CWH43: variants seen among roughly 807,000 people sequenced by gnomAD.
CWH43 encodes PGAP2-interacting protein.
Under a neutral mutation model 85.7 loss-of-function variants are expected in CWH43, and 91 were observed. That is an observed-to-expected ratio of 1.06 (90% confidence interval 0.90 to 1.26). The LOEUF (loss-of-function observed/expected upper bound fraction) is 1.26. CWH43 is among the 50% of genes most tolerant of loss of function. CWH43 has a pLI of 0.00. For missense variants in CWH43, 869 were observed against 839.2 expected (o/e 1.04, Z -0.44); for synonymous variants, 323 against 293.6 (o/e 1.10, Z -1.02).
At chr4:49,037,424 G>A (rs190902505) in intron 12 of CWH43, among the ~76,000 whole-genome samples, 3 of 152,266 alleles carry the variant, frequency 2.0e-5, no homozygotes, top group Admixed American at 2.0e-4. Context: ...CAAAAATTAA[G>A]TTGGGCATGG....
Position 49,034,868 on chromosome 4 carries a change from A to T in CWH43, c.1658+2153A>T, listed in dbSNP as rs79744234. 9.9e-4 allele frequency among the ~76,000 whole-genome samples: 151 copies of T among 152,344 alleles called. 7 individuals are homozygous for T. The East Asian group carries it at 0.022, about 22-fold the overall frequency. ...TCATGCAAAGTACATGAATGTAGTA[A>T]GTGCTCAATTAACACTGGCCATTAC... On this transcript the variant is annotated intron_variant, in intron 12 of 15. Transcript: ENST00000226432.
At chr4:49,028,574 C>A in intron 9 of CWH43, 55 bp from the exon 10 acceptor site, 1 of 1,304,782 alleles carries the variant, frequency 7.7e-7, no homozygotes, top group Non-Finnish European at 1.1e-6. Context: ...AAGTGGGTCA[C>A]TGAAACTGCC....
At chr4:49,029,439 C>A (rs1441275458) in intron 10 of CWH43, among the ~76,000 whole-genome samples, 1 of 152,182 alleles carries the variant, frequency 6.6e-6, no homozygotes, top group South Asian at 2.1e-4. Context: ...GGGTATTGTC[C>A]AAGGTTTCCC....
chr4:49,060,506 A>G (rs1191645307), intron 15 of CWH43, among the ~76,000 whole-genome samples: 1 of 151,960 alleles, frequency 6.6e-6, no homozygotes, highest in Non-Finnish European at 1.5e-5. Context: ...GCCAATGTTC[A>G]TTGGCCTGGA....
chr4:48,988,696 T>A, intron 2 of CWH43, 28 bp downstream of exon 2: 3 of 1,461,230 alleles, frequency 2.1e-6, no homozygotes, highest in Non-Finnish European at 2.8e-6. Context: ...TTCTTTAAGT[T>A]GTTTTTTTTA....
rs1035330736 is a variant in CWH43 at position 49,042,595 on chromosome 4, G to A, written c.1804-2191G>A. 6.6e-5 allele frequency among the ~76,000 whole-genome samples: 10 copies of A among 152,260 alleles called. No homozygotes were observed. In the Middle Eastern group the frequency reaches 0.01, roughly 155 times the overall value. ...AGGAGTGGCCACCATGTAGGGAAGCGTTGAAGCCATGGAAGTGAGTGGTAT... is the reference window on the plus strand; with the variant it reads ...AGGAGTGGCCACCATGTAGGGAAGCATTGAAGCCATGGAAGTGAGTGGTAT... On this transcript the variant is annotated intron_variant, in intron 13 of 15. Transcript: ENST00000226432.
chr4:49,061,848 C>T lies in CWH43; in HGVS notation c.2058C>T (p.Asn686=). 7.2e-7 allele frequency: 1 copy of T among 1,394,848 alleles called. No individual in the cohort carries two copies. The highest frequency in any genetic ancestry group is 1.4e-5 in the South Asian group (1 of 69,538). The allele number at this position is 1,394,848 out of a possible 1,614,324, so 86.4% of individuals were successfully genotyped here. ...GSYKEGHNYE[N]NHHFHMNTPK... is the part of the protein sequence containing the mutation. ...ACAAAGAAGGACACAATTATGAAAA[C>T]AACCATCATTTTCATATGAATACTC... Residue 686 remains asparagine (N), a synonymous_variant, in exon 16 of 16, where the codon AAC becomes AAT. Coordinates refer to ENST00000226432, the MANE Select transcript of CWH43 (RefSeq NM_025087.3).
chr4:49,018,274 A>G (rs1352463878), intron 9 of CWH43, among the ~76,000 whole-genome samples: 1 of 152,112 alleles, frequency 6.6e-6, no homozygotes, highest in African/African-American at 2.4e-5. Context: ...TAAACCATTC[A>G]TGAGAATTCC....
rs1395788586 is a variant in CWH43, at chr4:48,986,384, C to T, written c.-46C>T. The T allele has an allele frequency of 1.9e-6, 3 of 1,540,316 alleles. No individual in the cohort carries two copies. The highest frequency in any genetic ancestry group is 2.6e-6 in the Non-Finnish European group (3 of 1,140,672). ...GGGGCGCAGGGCTAGGGCAGCGGGC[C>T]CGACCCGCACGGCTTTCCTGGAAAG... On this transcript the variant is annotated 5_prime_UTR_variant, in exon 1 of 16. Coordinates refer to ENST00000226432, the MANE Select transcript of CWH43 (RefSeq NM_025087.3).
intron 13 of CWH43, among the ~76,000 whole-genome samples, chr4:49,040,558 T>C (rs2109823454): frequency 6.6e-6 from 1 of 152,350 alleles, no homozygotes; most frequent in South Asian, 2.1e-4. Context: ...GAAGTGTCTG[T>C]TCATATCCTT....
chr4:49,005,550 GTT>G (rs1294202525), intron 7 of CWH43, among the ~76,000 whole-genome samples: 1 of 137,620 alleles, frequency 7.3e-6, no homozygotes, highest in Non-Finnish European at 1.6e-5. Context: ...TTAGGGTTCT[GTT>G]TTTTTTTTTT....
intron 9 of CWH43, among the ~76,000 whole-genome samples, chr4:49,027,122 G>A (rs1402172912): frequency 2.0e-5 from 3 of 152,208 alleles, no homozygotes; most frequent in South Asian, 2.1e-4. Context: ...GGATGAGAAC[G>A]GATGCAAGGA....
chr4:49,054,540 G>C (rs1784894457), intron 15 of CWH43, among the ~76,000 whole-genome samples: 1 of 152,056 alleles, frequency 6.6e-6, no homozygotes, highest in South Asian at 2.1e-4. Context: ...CTATTCCTGT[G>C]AAAAATGTCA....
At chr4:48,996,332 T>C (rs73817748) in intron 5 of CWH43, among the ~76,000 whole-genome samples, 86 of 150,380 alleles carry the variant, frequency 5.7e-4, no homozygotes, top group Admixed American at 1.5e-3. Flanking sequence ...CACACACACA[T>C]ATATATATGT....
chr4:48,986,687 C>T, intron 1 of CWH43: 1 of 1,345,558 alleles, frequency 7.4e-7, no homozygotes. Context: ...GTCTGCGAGG[C>T]GCCCGCGAGA....
In CWH43 at chr4:49,007,331, G is replaced by C; in HGVS notation, c.1186+5G>C. On this transcript the variant is annotated splice_donor_5th_base_variant and intron_variant, in intron 8 of 15. Transcript: ENST00000226432. ...GTGAAAAATACATGAAACTTTGTAA[G>C]TATAGTTTTACATTCTTAAAAAAAA... 1 of 1,577,110 alleles carries C rather than the reference G, an allele frequency of 6.3e-7. No homozygotes were observed. The highest frequency in any genetic ancestry group is 8.6e-7 in the Non-Finnish European group (1 of 1,166,536).
chr4:49,024,511 GCTC>G (rs1326548035), intron 9 of CWH43, among the ~76,000 whole-genome samples: 4 of 152,120 alleles, frequency 2.6e-5, no homozygotes, highest in African/African-American at 2.4e-5. Flanking sequence ...AAGATTTAGA[GCTC>G]CTTTTAGCAG....
intron 15 of CWH43, among the ~76,000 whole-genome samples, chr4:49,051,826 C>T (rs1379209263): frequency 3.3e-5 from 5 of 152,166 alleles, no homozygotes; most frequent in African/African-American, 7.2e-5. Flanking sequence ...ACCCACCTGC[C>T]TCTGCCTCCC....
chr4:49,010,170 T>C (rs529087455), intron 8 of CWH43, among the ~76,000 whole-genome samples: 23 of 152,326 alleles, frequency 1.5e-4, no homozygotes, highest in African/African-American at 5.1e-4. Context: ...TGTTGGTCTA[T>C]TCAGAGATTC....
Sources: allele counts gnomAD v4.1 joint callset (sites outside exome capture counted in the v4.1 genomes callset), GRCh38; gene constraint gnomAD v4.1.1; transcripts MANE v1.5; gene names NCBI Gene and HGNC (gene_info 2026-07-23, HGNC 2026-07-21).